Variants in GLCE observed in about 807,000 individuals in gnomAD.
GLCE encodes the protein D-glucuronyl C5-epimerase.
A neutral mutation model predicts 47.9 loss-of-function variants in GLCE; 19 were observed. The ratio of observed to expected loss-of-function variants is 0.40; its 90% CI spans 0.28 to 0.58. The LOEUF (loss-of-function observed/expected upper bound fraction) is 0.58. Among genes scored for constraint, GLCE ranks in the 20% least tolerant of loss-of-function variants. The pLI, the probability that GLCE is intolerant of heterozygous loss-of-function variation, is 0.48. For synonymous variants in GLCE, 245 were observed against 263.4 expected (o/e 0.93, Z 0.68); for missense variants, 556 against 743.3 (o/e 0.75, Z 2.93).
At chr15:69,171,662 C>T (rs1247422671) in intron 1 of GLCE, among the ~76,000 whole-genome samples, 1 of 152,120 alleles carries the variant, frequency 6.6e-6, no homozygotes, top group African/African-American at 2.4e-5. Flanking sequence ...TCCCAAAGTG[C>T]TGGGATTACA....
chr15:69,167,742 A>G (rs1468372026), intron 1 of GLCE, among the ~76,000 whole-genome samples: 1 of 152,116 alleles, frequency 6.6e-6, no homozygotes, highest in East Asian at 1.9e-4. Flanking sequence ...GGTTACAGAA[A>G]TTTCTATATA....
In GLCE at chr15:69,198,555, C is replaced by T. The variant is rs548959125; in HGVS notation, c.-104-11761C>T. The stretch of plus-strand genomic sequence containing the variant: ...GTTGGCCAGAGGCCTCCCTTGGACC[C>T]GTGCCAAAGGGCCCCATAGAGCATC... On this transcript the variant is annotated intron_variant, in intron 1 of 4. Transcript: ENST00000261858. 7.7e-4 allele frequency among the ~76,000 whole-genome samples: 117 copies of T among 152,148 alleles called. No individual in the cohort carries two copies. In the South Asian group the frequency reaches 0.022, roughly 29 times the overall value.
chr15:69,187,284 A>G (rs1359115472), intron 1 of GLCE, among the ~76,000 whole-genome samples: 1 of 151,882 alleles, frequency 6.6e-6, no homozygotes, highest in African/African-American at 2.4e-5. Flanking sequence ...ATCTTACCAT[A>G]TTTTTTTTCT....
intron 4 of GLCE, among the ~76,000 whole-genome samples, chr15:69,267,960 C>G (rs1296351931): frequency 1.3e-5 from 2 of 151,704 alleles, no homozygotes; most frequent in Non-Finnish European, 2.9e-5. Flanking sequence ...GCCATTTGCT[C>G]TCAATCCTCT....
At chr15:69,207,627 C>T (rs2052170492) in intron 1 of GLCE, among the ~76,000 whole-genome samples, 2 of 152,026 alleles carry the variant, frequency 1.3e-5, no homozygotes, top group African/African-American at 4.8e-5. Flanking sequence ...TATAGGAATA[C>T]CACAGTTTGT....
At chr15:69,254,079 T>A (rs903664749) in intron 2 of GLCE, among the ~76,000 whole-genome samples, 12 of 152,152 alleles carry the variant, frequency 7.9e-5, no homozygotes, top group South Asian at 2.1e-4. Flanking sequence ...TGATTTTTTT[T>A]AATATATCAT....
chr15:69,253,049 TAGG>T lies in GLCE; in HGVS notation c.-13-2740_-13-2738del, dbSNP rs369624892. 1.4e-3 allele frequency among the ~76,000 whole-genome samples: 216 copies of T among 152,234 alleles called. 1 individual carries two copies. The highest frequency in any genetic ancestry group is 5.1e-3 in the African/African-American group (210 of 41,540). Reference sequence around the variant, plus strand: ...AAATGAAGAAGCCAGTAACAGTAAATAGGAGGACTACCCAAGGATGATAGTTGA... The same window carrying T: ...AAATGAAGAAGCCAGTAACAGTAAATAGGACTACCCAAGGATGATAGTTGA... On this transcript the variant is annotated intron_variant, in intron 2 of 4. Coordinates refer to ENST00000261858, the MANE Select transcript of GLCE (RefSeq NM_015554.3).
At chr15:69,198,264 T>C (rs1009405383) in intron 1 of GLCE, among the ~76,000 whole-genome samples, 1 of 152,204 alleles carries the variant, frequency 6.6e-6, no homozygotes, top group Admixed American at 6.5e-5. Flanking sequence ...CTATTGGTTC[T>C]TTGACTGTAG....
chr15:69,256,214 T>C lies in GLCE; in HGVS notation c.408T>C (p.Tyr136=), dbSNP rs746305641. The change falls in exon 3 of 5, where the codon TAT becomes TAC. Residue 136 remains tyrosine (Y), a synonymous_variant. Transcript: ENST00000261858. ...TTCCATTCACTTGGGTTGAGAAATA[T>C]TTTGATGTTTATGGAAAGGTGGTTC... is the stretch of plus-strand genomic sequence containing the variant. ...VFLPFTWVEK[Y]FDVYGKVVQY... is the part of the protein sequence containing the mutation. 1.9e-6 allele frequency: 3 copies of C among 1,613,944 alleles called. No individual in the cohort carries two copies. In the African/African-American group the frequency reaches 4.0e-5, roughly 22 times the overall value.
intron 1 of GLCE, among the ~76,000 whole-genome samples, chr15:69,181,870 G>T (rs2051753603): frequency 6.6e-6 from 1 of 151,612 alleles, no homozygotes; most frequent in Non-Finnish European, 1.5e-5. Flanking sequence ...TGATGGGATA[G>T]ACGAAGAGGT....
At chr15:69,162,374 G>T (rs1288421871) in intron 1 of GLCE, among the ~76,000 whole-genome samples, 4 of 152,018 alleles carry the variant, frequency 2.6e-5, no homozygotes, top group Admixed American at 2.6e-4. Context: ...CATTTCTTTT[G>T]GTTAGTTACT....
At position 69,201,883 on chromosome 15, in the gene GLCE, T is replaced by C. The variant is rs116454982; in HGVS notation, c.-104-8433T>C. On this transcript the variant is annotated intron_variant, in intron 1 of 4. Transcript: ENST00000261858. ...AAGACTCTAAAGTGCTAAAGGCAGC[T>C]CTGTTTTGCTTTTTCCTCCTCCTCC... Among the ~76,000 whole-genome samples the C allele has an allele frequency of 6.1e-3, 926 of 151,968 alleles. 9 individuals are homozygous for C. The highest frequency in any genetic ancestry group is 0.021 in the African/African-American group (884 of 41,440).
intron 2 of GLCE, among the ~76,000 whole-genome samples, chr15:69,250,807 A>T (rs2052832418): frequency 1.9e-5 from 1 of 53,874 alleles, no homozygotes; most frequent in South Asian, 6.5e-4. Flanking sequence ...TTTATAGTTA[A>T]AAAAAAAAAA....
rs773041153 is a variant in GLCE, at chr15:69,165,879, A to G, written c.-105+5122A>G. Among the ~76,000 whole-genome samples the G allele has an allele frequency of 7.2e-5, 11 of 152,310 alleles. No homozygotes were observed. The South Asian group carries it at 2.1e-3, about 29-fold the overall frequency. On this transcript the variant is annotated intron_variant, in intron 1 of 4. Transcript: ENST00000261858. ...GTTTTCCTAAAATTTGGGAGTTTCT[A>G]AAGTATCTTATTCTCTTGCCCTGTG...
rs528583703 is a variant in GLCE at position 69,183,975 on chromosome 15, A to G, written c.-105+23218A>G. 2.6e-5 allele frequency among the ~76,000 whole-genome samples: 4 copies of G among 152,354 alleles called. No homozygotes were observed. The East Asian group carries it at 7.7e-4, about 29-fold the overall frequency. On this transcript the variant is annotated intron_variant, in intron 1 of 4. Transcript: ENST00000261858. Reference sequence around the variant, plus strand: ...AACCAGTGAAGAACATCCCAAATAGAGGAAACACCAGAAACAGAGTCACAA... The same window carrying G: ...AACCAGTGAAGAACATCCCAAATAGGGGAAACACCAGAAACAGAGTCACAA...
intron 1 of GLCE, among the ~76,000 whole-genome samples, chr15:69,165,850 T>C (rs376100152): frequency 1.3e-5 from 2 of 152,210 alleles, no homozygotes; most frequent in Non-Finnish European, 2.9e-5. Flanking sequence ...CTCAGTCTTA[T>C]CCTGTTTTCC....
intron 1 of GLCE, among the ~76,000 whole-genome samples, chr15:69,179,808 G>A (rs1294785411): frequency 1.3e-5 from 2 of 152,052 alleles, no homozygotes; most frequent in African/African-American, 4.8e-5. Flanking sequence ...CTAACATGGC[G>A]AAACCCTGTC....
At chr15:69,174,176 G>GT (rs1231580897) in intron 1 of GLCE, among the ~76,000 whole-genome samples, 1 of 152,116 alleles carries the variant, frequency 6.6e-6, no homozygotes, top group Non-Finnish European at 1.5e-5. Context: ...TTTTTAAAAA[G>GT]TTTATTCACA....
At chr15:69,212,418 G>A (rs948218448) in intron 2 of GLCE, among the ~76,000 whole-genome samples, 12 of 151,728 alleles carry the variant, frequency 7.9e-5, no homozygotes, top group African/African-American at 2.4e-4. Flanking sequence ...TATAATCTTA[G>A]ATTATTTAGA....
Sources: gnomAD v4.1 joint callset for allele counts (sites outside exome capture counted in the v4.1 genomes callset) on GRCh38, gnomAD v4.1.1 for gene constraint, MANE v1.5 for transcripts, NCBI Gene and HGNC (gene_info 2026-07-23, HGNC 2026-07-21) for gene names.